MBNL2: variants seen among roughly 807,000 people sequenced by gnomAD.
The protein encoded by MBNL2 is muscleblind-like protein 2.
Under a neutral mutation model 41.9 loss-of-function variants are expected in MBNL2, and 17 were observed. The observed-to-expected ratio is 0.41, with a 90% confidence interval of 0.28 to 0.61. The LOEUF (loss-of-function observed/expected upper bound fraction) is 0.61. Among genes scored for constraint, MBNL2 ranks in the 20% least tolerant of loss-of-function variants. The probability of loss-of-function intolerance (pLI) is 0.35; values close to 1 mark genes in which losing one functional copy is unlikely to be tolerated. For synonymous variants in MBNL2, 195 were observed against 182.9 expected, an observed-to-expected ratio of 1.07 and a Z score of -0.53; for missense variants, 336 against 505.6, an observed-to-expected ratio of 0.66 and a Z score of 3.22.
chr13:97,183,835 T>C, the MBNL2 span, among the ~76,000 whole-genome samples: 2 of 152,234 alleles, frequency 1.3e-5, no homozygotes, highest in Non-Finnish European at 2.9e-5. Flanking sequence ...CTTTCTCAGT[T>C]GTTGAATTGC....
At chr13:97,161,889 A>G in the MBNL2 span, among the ~76,000 whole-genome samples, 2 of 152,204 alleles carry the variant, frequency 1.3e-5, no homozygotes, top group Non-Finnish European at 2.9e-5. Context: ...TTAATGCAGG[A>G]TACAGGGTCT....
At chr13:97,230,613 C>T (rs1469106920) in intron 1 of MBNL2, among the ~76,000 whole-genome samples, 1 of 151,852 alleles carries the variant, frequency 6.6e-6, no homozygotes, top group Non-Finnish European at 1.5e-5. Context: ...TGGCAAGGGC[C>T]CAAAAGAGAA....
Position 97,366,819 on chromosome 13 carries a change from C to A in MBNL2, c.1048+1648C>A. 2.0e-6 allele frequency: 1 copy of A among 488,758 alleles called. No individual in the cohort carries two copies. The highest frequency in any genetic ancestry group is 4.1e-5 in the East Asian group (1 of 24,376). The allele number at this position is 488,758 out of a possible 1,614,324, so 30.3% of individuals were successfully genotyped here. On this transcript the variant is annotated intron_variant, in intron 8 of 8. Transcript: ENST00000679496. This position sits in a 1 kb window ranked among gnomAD's most constrained non-coding sequence, Gnocchi z 4.7. ...TAATTAACCTGACAGGCTTAAATTC[C>A]TTTTAGTACAGCATTACCTATCCAG...
chr13:97,253,374 T>C (rs1162068419), intron 1 of MBNL2, among the ~76,000 whole-genome samples: 1 of 152,232 alleles, frequency 6.6e-6, no homozygotes, highest in African/African-American at 2.4e-5. Context: ...ATAGTTCTGC[T>C]CATATAATTG....
chr13:97,391,629 C>A lies in MBNL2; in HGVS notation c.*180C>A. 1.9e-6 allele frequency: 1 copy of A among 524,846 alleles called. No individual in the cohort carries two copies. Among genetic ancestry groups the A allele is most frequent in the South Asian group, 2.8e-5 (1 of 36,114 alleles). The allele number at this position is 524,846 out of a possible 1,614,324, so 32.5% of individuals were successfully genotyped here. A position where few individuals can be genotyped will look rare whatever the true frequency, so the allele number is the denominator to read the frequency against. On this transcript the variant is annotated 3_prime_UTR_variant, in exon 9 of 9. Transcript: ENST00000679496. ...AGTTTACTTTTAAAGGGTTTCTAAA[C>A]ATAGTTTCTGTCCTAGGAATATTGT...
chr13:97,216,157 T>C, the MBNL2 span, among the ~76,000 whole-genome samples: 3 of 152,192 alleles, frequency 2.0e-5, no homozygotes, highest in African/African-American at 4.8e-5. Context: ...ACCATAACTT[T>C]TTTTTTCTGA....
At chr13:97,149,279 TAAGTG>T in the MBNL2 span, among the ~76,000 whole-genome samples, 1 of 152,178 alleles carries the variant, frequency 6.6e-6, no homozygotes, top group Non-Finnish European at 1.5e-5. Context: ...TACCTTGTCT[TAAGTG>T]AAGTGCTCCT....
chr13:97,252,220 T>C (rs2046706034), intron 1 of MBNL2, among the ~76,000 whole-genome samples: 1 of 152,228 alleles, frequency 6.6e-6, no homozygotes, highest in Non-Finnish European at 1.5e-5. Flanking sequence ...GATTTTTCTG[T>C]CTATTCTTTC....
At chr13:97,336,674 T>C (rs1006641148) in intron 3 of MBNL2, among the ~76,000 whole-genome samples, 3 of 152,166 alleles carry the variant, frequency 2.0e-5, no homozygotes, top group Non-Finnish European at 4.4e-5. Context: ...AGGGCAGTCC[T>C]ACCAACACCT....
intron 1 of MBNL2, among the ~76,000 whole-genome samples, chr13:97,261,708 C>T (rs2048668340): frequency 6.6e-6 from 1 of 152,220 alleles, no homozygotes. Context: ...GGCCCCAGCA[C>T]CACTTTTGCA....
chr13:97,299,190 T>A (rs2057359589), intron 2 of MBNL2, among the ~76,000 whole-genome samples: 1 of 152,008 alleles, frequency 6.6e-6, no homozygotes, highest in African/African-American at 2.4e-5. Context: ...ACTTTTCTAG[T>A]TTTTTTTAAC....
At chr13:97,374,063 A>ATTTTTGTTTTT (rs2064691568) in intron 8 of MBNL2, among the ~76,000 whole-genome samples, 1 of 63,128 alleles carries the variant, frequency 1.6e-5, no homozygotes. Flanking sequence ...CCTCCTTTGC[A>ATTTTTGTTTTT]TTTTTTTTTT....
chr13:97,286,145 T>C (rs938498938), intron 2 of MBNL2, among the ~76,000 whole-genome samples: 5 of 152,248 alleles, frequency 3.3e-5, no homozygotes, highest in Admixed American at 6.5e-5. Flanking sequence ...TCTAGTCTTA[T>C]GTATTCAACT....
At chr13:97,192,214 G>GA in the MBNL2 span, among the ~76,000 whole-genome samples, 3 of 152,068 alleles carry the variant, frequency 2.0e-5, no homozygotes, top group Non-Finnish European at 4.4e-5. Flanking sequence ...AAAAAGAGAG[G>GA]AAAAAATCTT....
At chr13:97,286,353 C>A (rs1349069852) in intron 2 of MBNL2, among the ~76,000 whole-genome samples, 2 of 152,084 alleles carry the variant, frequency 1.3e-5, no homozygotes, top group Non-Finnish European at 2.9e-5. Flanking sequence ...GCTGCCATAT[C>A]CAATCCATTA....
the MBNL2 span, among the ~76,000 whole-genome samples, chr13:97,162,615 G>A: frequency 4.6e-5 from 7 of 152,108 alleles, no homozygotes; most frequent in Non-Finnish European, 5.9e-5. Flanking sequence ...TGTATCTAGC[G>A]CTCCTCACTG....
chr13:97,223,944 G>A (rs2041198654), intron 1 of MBNL2, among the ~76,000 whole-genome samples: 1 of 152,174 alleles, frequency 6.6e-6, no homozygotes, highest in Non-Finnish European at 1.5e-5. Flanking sequence ...TTTATGTCCT[G>A]GCCAGGAACA....
At chr13:97,151,916 A>C in the MBNL2 span, among the ~76,000 whole-genome samples, 1 of 152,216 alleles carries the variant, frequency 6.6e-6, no homozygotes, top group African/African-American at 2.4e-5. Context: ...AGTATATTTC[A>C]TCTAACAACA....
intron 8 of MBNL2, among the ~76,000 whole-genome samples, chr13:97,370,146 C>T (rs1594278970): frequency 6.6e-6 from 1 of 152,074 alleles, no homozygotes; most frequent in African/African-American, 2.4e-5. Context: ...TGATCATCAT[C>T]CCATTTGATA....
Sources: gnomAD v4.1 joint callset for allele counts (sites outside exome capture counted in the v4.1 genomes callset) on GRCh38, gnomAD v4.1.1 for gene constraint, Gnocchi (gnomAD v3.1) non-coding constraint, MANE v1.5 for transcripts, NCBI Gene and HGNC (gene_info 2026-07-23, HGNC 2026-07-21) for gene names.